NAALADL2: variants seen among roughly 807,000 people sequenced by gnomAD.
NAALADL2 encodes the protein N-acetylated alpha-linked acidic dipeptidase like 2.
In NAALADL2, 76 loss-of-function variants were observed where a neutral mutation model predicts 87.2. That is an observed-to-expected ratio of 0.87 (90% confidence interval 0.72 to 1.05). The LOEUF (loss-of-function observed/expected upper bound fraction) is 1.05, where lower values mean the gene tolerates loss of function less well. Among genes scored for constraint, NAALADL2 ranks in the 50% least tolerant of loss-of-function variants. The probability of loss-of-function intolerance (pLI) is 0.00; values close to 1 mark genes in which losing one functional copy is unlikely to be tolerated. For missense variants in NAALADL2, 1,089 were observed against 945.8 expected (o/e 1.15, Z -1.99); for synonymous variants, 354 against 331.0 (o/e 1.07, Z -0.75).
At chr3:175,713,745 T>A (rs922929629) in intron 11 of NAALADL2, among the ~76,000 whole-genome samples, 6 of 152,154 alleles carry the variant, frequency 3.9e-5, no homozygotes, top group African/African-American at 9.7e-5. Context: ...TCATTTTTTT[T>A]AATACTTTAA....
chr3:175,042,910 A>G (rs9816156), intron 1 of NAALADL2, among the ~76,000 whole-genome samples: 28,821 of 151,718 alleles, frequency 0.19, 2,990 homozygotes, highest in East Asian at 0.37. Context: ...TGCTCACTCT[A>G]TTAGTTCAGA....
chr3:174,816,386 ATG>A (rs10567966), intron 3 of NAALADL2, among the ~76,000 whole-genome samples: 19,123 of 143,040 alleles, frequency 0.13, 1,651 homozygotes, highest in African/African-American at 0.26. Context: ...AGATATATAT[ATG>A]TGTGTGTGTG....
chr3:175,655,458 T>C (rs373935117), intron 11 of NAALADL2: 110 of 373,666 alleles, frequency 2.9e-4, no homozygotes, highest in Non-Finnish European at 5.5e-4. Flanking sequence ...TTATAATGTG[T>C]TTGTGTTTTT....
At chr3:174,843,875 G>A (rs1486393478) in intron 3 of NAALADL2, among the ~76,000 whole-genome samples, 3 of 151,840 alleles carry the variant, frequency 2.0e-5, no homozygotes, top group African/African-American at 7.3e-5. Context: ...AAAAAAATTG[G>A]GTTATTTTGT....
chr3:175,356,736 A>G (rs1385211230), intron 5 of NAALADL2, among the ~76,000 whole-genome samples: 9 of 152,080 alleles, frequency 5.9e-5, no homozygotes, highest in Non-Finnish European at 1.3e-4. Flanking sequence ...GCAAGACGAA[A>G]GGAAGACAAG....
At chr3:175,739,094 C>A (rs1032728779) in intron 12 of NAALADL2, among the ~76,000 whole-genome samples, 13 of 151,892 alleles carry the variant, frequency 8.6e-5, no homozygotes, top group African/African-American at 2.9e-4. Context: ...AAAGCAATAA[C>A]TATCATGCAT....
chr3:174,896,750 G>A (rs962850250), intron 1 of NAALADL2, among the ~76,000 whole-genome samples: 3 of 152,060 alleles, frequency 2.0e-5, no homozygotes, highest in African/African-American at 7.2e-5. Flanking sequence ...GAAACTGGAC[G>A]AGTCACATTC....
In NAALADL2 at chr3:175,700,510, C is replaced by T. The variant is rs751085771; in HGVS notation, c.1897-36796C>T. ...TCTGAAATGGAAGAATCTGATGATA[C>T]GTATTGAAGATCTTGTTGCTCTTTG... On this transcript the variant is annotated intron_variant, in intron 11 of 13. Transcript: ENST00000454872. 4.6e-5 allele frequency among the ~76,000 whole-genome samples: 7 copies of T among 152,200 alleles called. No individual in the cohort carries two copies. The South Asian group carries it at 6.2e-4, about 14-fold the overall frequency.
intron 1 of NAALADL2, among the ~76,000 whole-genome samples, chr3:174,507,325 G>A (rs1719260096): frequency 6.6e-6 from 1 of 152,134 alleles, no homozygotes; most frequent in Admixed American, 6.5e-5. Context: ...TGTTGGGGAT[G>A]TTGTTCAAGA....
intron 9 of NAALADL2, among the ~76,000 whole-genome samples, chr3:175,524,622 G>T (rs1013335348): frequency 6.6e-5 from 10 of 151,992 alleles, no homozygotes; most frequent in African/African-American, 2.4e-4. Context: ...TTAAATTATA[G>T]GCTATAAATC....
At chr3:175,783,307 T>G (rs1248457591) in intron 13 of NAALADL2, among the ~76,000 whole-genome samples, 3 of 152,012 alleles carry the variant, frequency 2.0e-5, no homozygotes, top group Non-Finnish European at 2.9e-5. Flanking sequence ...AGTATGGCCA[T>G]TTTCACGATA....
chr3:174,598,758 A>G (rs1410498462), intron 2 of NAALADL2, among the ~76,000 whole-genome samples: 5 of 152,216 alleles, frequency 3.3e-5, no homozygotes, highest in Non-Finnish European at 5.9e-5. Flanking sequence ...TATAGAAAAA[A>G]AGTACATAGA....
At chr3:175,241,900 T>A (rs1338606544) in intron 3 of NAALADL2, among the ~76,000 whole-genome samples, 4 of 126,482 alleles carry the variant, frequency 3.2e-5, no homozygotes, top group Non-Finnish European at 6.4e-5. Flanking sequence ...TCTCACTCTG[T>A]CACCAGGCTA....
chr3:174,782,218 G>T (rs956521809), intron 3 of NAALADL2, among the ~76,000 whole-genome samples: 1 of 152,084 alleles, frequency 6.6e-6, no homozygotes, highest in African/African-American at 2.4e-5. Context: ...GCCCCTCACT[G>T]AGTACAAGGT....
rs150068722 is a variant in NAALADL2 at position 175,487,313 on chromosome 3, C to T, written c.1653+15555C>T. Among the ~76,000 whole-genome samples, 394 of 152,286 alleles carry T rather than the reference C, an allele frequency of 2.6e-3. 1 individual carries two copies. Among genetic ancestry groups the T allele is most frequent in the African/African-American group, 9.1e-3 (379 of 41,564 alleles). On this transcript the variant is annotated intron_variant, in intron 9 of 13. Transcript: ENST00000454872. Reference sequence around the variant, plus strand: ...ATATTCTATGTAATCTACTTATTGACTGTTTCTGTCAGTCCCTCCTTCTAG... The same window carrying T: ...ATATTCTATGTAATCTACTTATTGATTGTTTCTGTCAGTCCCTCCTTCTAG...
At chr3:175,156,928 C>A (rs1347405660) in intron 2 of NAALADL2, among the ~76,000 whole-genome samples, 1 of 152,086 alleles carries the variant, frequency 6.6e-6, no homozygotes, top group Non-Finnish European at 1.5e-5. Context: ...AACATATTGT[C>A]TTAACTCCAT....
rs548420197 is a variant in NAALADL2 at position 175,748,008 on chromosome 3, C to CTT, written c.1991-7203_1991-7202dup. ...ATCTTTAGAATTTAGAAATCTGTTG[C>CTT]TTTTTTTTTTAAAGTAACCAGTATA... On this transcript the variant is annotated intron_variant, in intron 12 of 13. Transcript: ENST00000454872. 1.7e-3 allele frequency among the ~76,000 whole-genome samples: 257 copies of CTT among 148,472 alleles called. 1 individual carries two copies. The Middle Eastern group carries it at 0.028, about 16-fold the overall frequency.
intron 1 of NAALADL2, among the ~76,000 whole-genome samples, chr3:174,510,786 G>A (rs1719551123): frequency 6.7e-6 from 1 of 149,490 alleles, no homozygotes; most frequent in South Asian, 2.1e-4. Context: ...TAAGGTGGAA[G>A]CTTAAGCAAG....
At chr3:175,196,687 G>A (rs1739061489) in intron 2 of NAALADL2, among the ~76,000 whole-genome samples, 1 of 151,880 alleles carries the variant, frequency 6.6e-6, no homozygotes, top group Non-Finnish European at 1.5e-5. Context: ...TTTTTAGTAT[G>A]AGGTAAAAAC....
Sources: allele counts gnomAD v4.1 joint callset (sites outside exome capture counted in the v4.1 genomes callset), GRCh38; gene constraint gnomAD v4.1.1; transcripts MANE v1.5; gene names NCBI Gene and HGNC (gene_info 2026-07-23, HGNC 2026-07-21).